Variants in CADPS2 observed in about 807,000 individuals in gnomAD.
CADPS2 encodes calcium dependent secretion activator 2.
Under a neutral mutation model 172.5 loss-of-function variants are expected in CADPS2, and 93 were observed. The ratio of observed to expected loss-of-function variants is 0.54; its 90% CI spans 0.46 to 0.64. CADPS2 has a LOEUF of 0.64. CADPS2 is among the 30% of genes least tolerant of loss of function. The pLI is 0.00. For synonymous variants in CADPS2, 546 were observed against 555.2 expected, an observed-to-expected ratio of 0.98 and a Z score of 0.23; for missense variants, 1,420 against 1,565.9, an observed-to-expected ratio of 0.91 and a Z score of 1.57.
At chr7:122,641,930 T>C (rs962484703) in intron 3 of CADPS2, among the ~76,000 whole-genome samples, 1 of 149,856 alleles carries the variant, frequency 6.7e-6, no homozygotes, top group Non-Finnish European at 1.5e-5. Context: ...AGGAGAAAAA[T>C]GTTTTTCTGG....
chr7:122,452,302 A>G (rs2053221556), intron 14 of CADPS2, among the ~76,000 whole-genome samples: 1 of 152,248 alleles, frequency 6.6e-6, no homozygotes, highest in South Asian at 2.1e-4. Flanking sequence ...TATGAATCTC[A>G]TATTCACTTC....
intron 3 of CADPS2, among the ~76,000 whole-genome samples, chr7:122,645,465 G>A (rs9690389): frequency 4.6e-5 from 4 of 86,468 alleles, no homozygotes; most frequent in Non-Finnish European, 2.4e-5. Flanking sequence ...GTATATATGT[G>A]TATATATGTA....
At chr7:122,865,556 T>C (rs770329503) in intron 1 of CADPS2, among the ~76,000 whole-genome samples, 2 of 152,214 alleles carry the variant, frequency 1.3e-5, no homozygotes, top group Non-Finnish European at 2.9e-5. Flanking sequence ...CTCTGGCTTG[T>C]ATCTGACTTC....
At chr7:122,575,333 T>C (rs2067873912) in intron 7 of CADPS2, among the ~76,000 whole-genome samples, 1 of 152,074 alleles carries the variant, frequency 6.6e-6, no homozygotes, top group Non-Finnish European at 1.5e-5. Context: ...GAATATTGAC[T>C]GCATAGCACA....
intron 27 of CADPS2, among the ~76,000 whole-genome samples, chr7:122,355,346 C>A (rs186757564): frequency 2.0e-5 from 3 of 152,062 alleles, no homozygotes; most frequent in Admixed American, 2.0e-4. Context: ...TTTGGGATGC[C>A]GAGGCAGGCG....
intron 7 of CADPS2, among the ~76,000 whole-genome samples, chr7:122,570,739 T>C (rs1376054802): frequency 6.6e-6 from 1 of 151,990 alleles, no homozygotes; most frequent in Non-Finnish European, 1.5e-5. Context: ...TATAGGGACA[T>C]GGATGAAATT....
chr7:122,842,450 G>A (rs1810813913), intron 1 of CADPS2, among the ~76,000 whole-genome samples: 1 of 152,160 alleles, frequency 6.6e-6, no homozygotes. Flanking sequence ...TCCAGTAACA[G>A]GACCTTGATA....
chr7:122,527,614 G>GAGAGAT (rs1554597204), intron 8 of CADPS2, among the ~76,000 whole-genome samples: 1 of 125,632 alleles, frequency 8.0e-6, no homozygotes, highest in African/African-American at 3.4e-5. Context: ...GAGAGAGAGA[G>GAGAGAT]AGAGTGTGTG....
intron 9 of CADPS2, among the ~76,000 whole-genome samples, chr7:122,498,701 GA>G (rs2058956508): frequency 6.6e-6 from 1 of 151,934 alleles, no homozygotes; most frequent in Non-Finnish European, 1.5e-5. Context: ...AGTTCTATAT[GA>G]TCCTTTTCCA....
chr7:122,764,295 T>C (rs1292227924), intron 1 of CADPS2, among the ~76,000 whole-genome samples: 1 of 152,144 alleles, frequency 6.6e-6, no homozygotes, highest in African/African-American at 2.4e-5. Flanking sequence ...TCTTACTTAT[T>C]TCCTCTCTAC....
In CADPS2 at chr7:122,513,269, G is replaced by T; in HGVS notation, c.1522C>A (p.Arg508Ser). ...CTAACCTGAACTAGAACAAAGTAAC[G>T]TTTTTTCCATCTTTTCCAAACCTTC... ...GQKVWKRWKKRYFVLVQVSQY... is the reference protein window; with the variant it reads ...GQKVWKRWKKSYFVLVQVSQY... Residue 508 changes from arginine to serine, a missense_variant, in exon 9 of 30, where the codon CGT (arginine) becomes AGT (serine). Coordinates refer to ENST00000449022, the MANE Select transcript of CADPS2 (RefSeq NM_017954.11). 1 of 1,562,066 alleles carries T rather than the reference G, an allele frequency of 6.4e-7. No homozygotes were observed. The highest frequency in any genetic ancestry group is 8.7e-7 in the Non-Finnish European group (1 of 1,151,716).
intron 15 of CADPS2, among the ~76,000 whole-genome samples, chr7:122,450,591 G>A (rs558715177): frequency 3.8e-5 from 5 of 132,172 alleles, no homozygotes; most frequent in Admixed American, 8.9e-5. Flanking sequence ...GTGCAGTGGT[G>A]TGATCATAGC....
chr7:122,869,305 A>G (rs1819122936), intron 1 of CADPS2, among the ~76,000 whole-genome samples: 1 of 152,116 alleles, frequency 6.6e-6, no homozygotes, highest in African/African-American at 2.4e-5. Flanking sequence ...GTGAAAACAA[A>G]GAGAAAATAT....
At chr7:122,404,638 A>T (rs1219880647) in intron 20 of CADPS2, among the ~76,000 whole-genome samples, 1 of 152,146 alleles carries the variant, frequency 6.6e-6, no homozygotes, top group Non-Finnish European at 1.5e-5. Flanking sequence ...ATTTCTCCAC[A>T]TCCTCTCCAG....
Position 122,638,963 on chromosome 7 carries a change from C to T in CADPS2, c.787-9635G>A, listed in dbSNP as rs143433925. On this transcript the variant is annotated intron_variant, in intron 3 of 29. Coordinates refer to ENST00000449022, the MANE Select transcript of CADPS2 (RefSeq NM_017954.11). ...CACACTAGCTCCTCTAGTCTGCCACCTTGAACCCTAAGTCCTACATGTCTT... is the reference window on the plus strand; with the variant it reads ...CACACTAGCTCCTCTAGTCTGCCACTTTGAACCCTAAGTCCTACATGTCTT... Among the ~76,000 whole-genome samples, 4 of 152,326 alleles carry T rather than the reference C, an allele frequency of 2.6e-5. No homozygotes were observed. The East Asian group carries it at 7.7e-4, about 29-fold the overall frequency.
intron 1 of CADPS2, among the ~76,000 whole-genome samples, chr7:122,794,110 T>A (rs1252701354): frequency 6.6e-6 from 1 of 152,046 alleles, no homozygotes; most frequent in Non-Finnish European, 1.5e-5. Context: ...TTGTGGATGA[T>A]CTTCTTGCTT....
chr7:122,669,991 G>A (rs184710453), intron 2 of CADPS2, among the ~76,000 whole-genome samples: 19 of 151,568 alleles, frequency 1.3e-4, no homozygotes, highest in African/African-American at 4.6e-4. Flanking sequence ...CATACAACTT[G>A]TCCCTGAACC....
intron 9 of CADPS2, among the ~76,000 whole-genome samples, chr7:122,494,547 TTA>T (rs1029728433): frequency 6.0e-5 from 9 of 150,920 alleles, no homozygotes; most frequent in Admixed American, 2.0e-4. Flanking sequence ...TGGGTAAACA[TTA>T]TATATATATA....
chr7:122,403,511 A>T (rs1333674694), intron 20 of CADPS2, among the ~76,000 whole-genome samples: 2 of 152,232 alleles, frequency 1.3e-5, no homozygotes, highest in Non-Finnish European at 2.9e-5. Context: ...AAAATAACAC[A>T]AGATGATATG....
Sources: allele counts gnomAD v4.1 joint callset (sites outside exome capture counted in the v4.1 genomes callset), GRCh38; gene constraint gnomAD v4.1.1; transcripts MANE v1.5; gene names NCBI Gene and HGNC (gene_info 2026-07-23, HGNC 2026-07-21).